TNRC6C: variants seen among roughly 807,000 people sequenced by gnomAD.
TNRC6C encodes the protein trinucleotide repeat containing adaptor 6C, also known as trinucleotide repeat-containing gene 6C protein.
A neutral mutation model predicts 153.7 loss-of-function variants in TNRC6C; 20 were observed. The ratio of observed to expected loss-of-function variants is 0.13; its 90% confidence interval spans 0.09 to 0.19. The LOEUF is 0.19. Ranked by LOEUF, TNRC6C falls within the 10% of genes least tolerant of loss-of-function variation. The pLI is 1.00. For missense variants in TNRC6C, 1,987 were observed against 2,172.0 expected (o/e 0.91, Z 1.69); for synonymous variants, 811 against 841.4 (o/e 0.96, Z 0.63).
intron 1 of TNRC6C, among the ~76,000 whole-genome samples, chr17:78,022,588 C>T (rs1440728442): frequency 6.6e-6 from 1 of 152,154 alleles, no homozygotes; most frequent in African/African-American, 2.4e-5. Context: ...GCCATATCAT[C>T]TCGGTTGCCT....
At chr17:77,960,894 TGAAAGTTTTTTTTCTACA>T (rs1567891511) in intron 1 of TNRC6C, among the ~76,000 whole-genome samples, 1 of 152,212 alleles carries the variant, frequency 6.6e-6, no homozygotes, top group Non-Finnish European at 1.5e-5. Context: ...TTACCTATAC[TGAAAGTTTTTTTTCTACA>T]GAAAGTTTTT....
intron 1 of TNRC6C, among the ~76,000 whole-genome samples, chr17:77,997,702 G>A (rs908535442): frequency 6.6e-6 from 1 of 151,834 alleles, no homozygotes; most frequent in Non-Finnish European, 1.5e-5. Flanking sequence ...TGTCACCCAG[G>A]CTGGAGTGCA....
chr17:78,039,813 A>C (rs1378137067), intron 2 of TNRC6C, among the ~76,000 whole-genome samples: 1 of 152,236 alleles, frequency 6.6e-6, no homozygotes, highest in Non-Finnish European at 1.5e-5. Context: ...GCCTGTGGGC[A>C]TTTCAGCTGT....
chr17:78,094,184 G>A (rs2144582421), intron 16 of TNRC6C, among the ~76,000 whole-genome samples: 1 of 152,106 alleles, frequency 6.6e-6, no homozygotes, highest in Admixed American at 6.5e-5. Context: ...GTTTTGCCAT[G>A]TTGGCCAGGC....
intron 1 of TNRC6C, among the ~76,000 whole-genome samples, chr17:78,010,597 AACTTAGAC>A (rs2071609460): frequency 6.6e-6 from 1 of 152,162 alleles, no homozygotes; most frequent in Non-Finnish European, 1.5e-5. Flanking sequence ...TTTAGGAAGG[AACTTAGAC>A]ACTTAGGATG....
chr17:78,093,254 G>A, intron 15 of TNRC6C, 130 bp downstream of exon 17: 1 of 1,076,610 alleles, frequency 9.3e-7, no homozygotes, highest in Non-Finnish European at 1.3e-6. Flanking sequence ...CAGAGCTTTG[G>A]CATTTTCCTT....
At chr17:77,976,443 G>T (rs1398781754) in intron 1 of TNRC6C, among the ~76,000 whole-genome samples, 1 of 152,196 alleles carries the variant, frequency 6.6e-6, no homozygotes. Flanking sequence ...TGATCAGATT[G>T]TCAGTTCAGT....
chr17:78,103,498 G>A, exon 19 of TNRC6C: 3 of 1,614,026 alleles, frequency 1.9e-6, no homozygotes, highest in Non-Finnish European at 2.5e-6. Flanking sequence ...AGGCAATGCT[G>A]TGGTCCGGTA....
At chr17:78,067,951 C>T (rs375339809) in intron 5 of TNRC6C, 28 bp downstream of exon 7, 44 of 1,575,768 alleles carry the variant, frequency 2.8e-5, no homozygotes, top group Non-Finnish European at 3.5e-5. Context: ...AACGACGGTA[C>T]ACCCTGAAAA....
intron 9 of TNRC6C, 169 bp downstream of exon 11, chr17:78,077,503 T>G: frequency 1.2e-6 from 1 of 839,428 alleles, no homozygotes; most frequent in Non-Finnish European, 1.8e-6. Context: ...CTTACTGGAG[T>G]CAAGAGTTGA....
At chr17:78,095,522 G>A (rs1021860893) in intron 16 of TNRC6C, among the ~76,000 whole-genome samples, 3 of 152,218 alleles carry the variant, frequency 2.0e-5, no homozygotes, top group East Asian at 3.8e-4. Context: ...GGTGCTCGAC[G>A]TTTGGGTCTT....
At chr17:77,972,892 A>T (rs999081109) in intron 1 of TNRC6C, among the ~76,000 whole-genome samples, 1 of 152,144 alleles carries the variant, frequency 6.6e-6, no homozygotes, top group African/African-American at 2.4e-5. Context: ...ATAACATCAT[A>T]AATAATAATA....
intron 1 of TNRC6C, among the ~76,000 whole-genome samples, chr17:78,005,802 A>G (rs1404729218): frequency 6.6e-6 from 1 of 152,200 alleles, no homozygotes; most frequent in Non-Finnish European, 1.5e-5. Context: ...AAGGTAGTGA[A>G]TGGTTCCTAC....
chr17:78,054,437 A>T (rs568615449), intron 3 of TNRC6C, among the ~76,000 whole-genome samples: 1 of 145,966 alleles, frequency 6.9e-6, no homozygotes, highest in African/African-American at 2.7e-5. Context: ...GACTACTGTA[A>T]ACCACTGCAG....
exon 11 of TNRC6C, chr17:78,083,124 T>C: frequency 1.2e-6 from 2 of 1,614,008 alleles, no homozygotes; most frequent in Non-Finnish European, 1.7e-6. Flanking sequence ...CAATTAATCC[T>C]CAACATATGA....
intron 1 of TNRC6C, among the ~76,000 whole-genome samples, chr17:78,027,766 A>G (rs984729962): frequency 3.9e-5 from 6 of 152,184 alleles, no homozygotes; most frequent in Non-Finnish European, 8.8e-5. Context: ...ACACATCCCA[A>G]TGTAAGTGAT....
At chr17:78,078,115 A>G (rs16970787) in intron 9 of TNRC6C, among the ~76,000 whole-genome samples, 19,928 of 152,150 alleles carry the variant, frequency 0.13, 1,578 homozygotes, top group African/African-American at 0.2. Context: ...GTTGTTACCA[A>G]TAGTGCCCCT....
chr17:77,966,106 T>C (rs981514766), intron 1 of TNRC6C, among the ~76,000 whole-genome samples: 6 of 152,154 alleles, frequency 3.9e-5, no homozygotes, highest in African/African-American at 1.2e-4. Context: ...GGGCAAGCCA[T>C]GTTTGGAAAT....
intron 1 of TNRC6C, among the ~76,000 whole-genome samples, chr17:77,964,920 G>T (rs1015642040): frequency 2.6e-5 from 4 of 152,170 alleles, no homozygotes; most frequent in African/African-American, 9.7e-5. Flanking sequence ...GCACAGTAAG[G>T]GAAGAAGGTG....
Sources: allele counts gnomAD v4.1 joint callset (sites outside exome capture counted in the v4.1 genomes callset), GRCh38; gene constraint gnomAD v4.1.1; transcripts MANE v1.5; gene names NCBI Gene and HGNC (gene_info 2026-07-23, HGNC 2026-07-21).